DRC9: variants seen among roughly 807,000 people sequenced by gnomAD.
DRC9 encodes the protein dynein regulatory complex subunit 9.
the DRC9 span, chr3:197,891,657 A>G: frequency 7.3e-5 from 37 of 509,446 alleles, no homozygotes; most frequent in East Asian, 7.9e-4. Flanking sequence ...TGCTCAATCT[A>G]AAGATAAACC....
the DRC9 span, among the ~76,000 whole-genome samples, chr3:197,899,968 C>T: frequency 6.6e-6 from 1 of 152,136 alleles, no homozygotes; most frequent in Non-Finnish European, 1.5e-5. Flanking sequence ...TGTGGGAGGG[C>T]GGGCGCGGCA....
chr3:197,912,919 C>T, the DRC9 span: 5 of 634,136 alleles, frequency 7.9e-6, no homozygotes, highest in South Asian at 3.6e-5. Flanking sequence ...AGCCACGTGG[C>T]GCGGCACTGT....
chr3:197,949,543 T>C, the DRC9 span: 1 of 152,532 alleles, frequency 6.6e-6, no homozygotes, highest in African/African-American at 2.4e-5. Flanking sequence ...GGTCTCACTA[T>C]GTTGCCCAGG....
At chr3:197,915,379 G>C in the DRC9 span, among the ~76,000 whole-genome samples, 1 of 152,024 alleles carries the variant, frequency 6.6e-6, no homozygotes, top group Non-Finnish European at 1.5e-5. Context: ...TTGGAGGTCG[G>C]TAAGGGCACC....
the DRC9 span, chr3:197,953,749 A>G: frequency 1.1e-5 from 6 of 563,874 alleles, no homozygotes; most frequent in South Asian, 4.0e-5. Flanking sequence ...CATCTGACCT[A>G]TGTATTTTCC....
chr3:197,918,080 G>A, the DRC9 span, among the ~76,000 whole-genome samples: 2 of 141,906 alleles, frequency 1.4e-5, no homozygotes, highest in Non-Finnish European at 3.0e-5. Context: ...TTTCCAAATT[G>A]TATGGCAGTC....
chr3:197,956,864 C>G, the DRC9 span: 1 of 152,160 alleles, frequency 6.6e-6, no homozygotes, highest in African/African-American at 2.4e-5. Context: ...CTAACTGATG[C>G]AGTAACAGTC....
the DRC9 span, among the ~76,000 whole-genome samples, chr3:197,899,753 C>T: frequency 6.6e-6 from 1 of 152,080 alleles, no homozygotes; most frequent in African/African-American, 2.4e-5. Context: ...CCCCCCACCA[C>T]CCAGAAACAC....
the DRC9 span, among the ~76,000 whole-genome samples, chr3:197,905,463 C>T: frequency 6.6e-6 from 1 of 152,048 alleles, no homozygotes; most frequent in Admixed American, 6.6e-5. Flanking sequence ...AAAGGAATAA[C>T]AGGCCGGGTG....
At chr3:197,900,363 T>C in the DRC9 span, among the ~76,000 whole-genome samples, 1 of 152,210 alleles carries the variant, frequency 6.6e-6, no homozygotes, top group Non-Finnish European at 1.5e-5. This position sits in a 1 kb window ranked among gnomAD's most constrained non-coding sequence, Gnocchi z 4.7. Context: ...TTTCCCCTTC[T>C]TCTGTTTGAG....
the DRC9 span, among the ~76,000 whole-genome samples, chr3:197,948,365 C>A: frequency 3.9e-5 from 6 of 152,330 alleles, no homozygotes; most frequent in South Asian, 1.2e-3. Context: ...GGCTTCTGGG[C>A]ACTCATGCCA....
At chr3:197,951,942 G>A in the DRC9 span, among the ~76,000 whole-genome samples, 1 of 152,056 alleles carries the variant, frequency 6.6e-6, no homozygotes, top group African/African-American at 2.4e-5. Flanking sequence ...TCTATTTTGC[G>A]TCATTAAGGA....
chr3:197,944,831 T>C, the DRC9 span, among the ~76,000 whole-genome samples: 1 of 152,150 alleles, frequency 6.6e-6, no homozygotes, highest in Non-Finnish European at 1.5e-5. Context: ...TCTGCCCAAC[T>C]CAGCCTCCCA....
At chr3:197,913,434 A>C in the DRC9 span, 12 of 267,422 alleles carry the variant, frequency 4.5e-5, no homozygotes, top group Non-Finnish European at 7.2e-5. Flanking sequence ...TTTCACCGTG[A>C]CTTCTCATCC....
At chr3:197,935,355 G>A in the DRC9 span, among the ~76,000 whole-genome samples, 5 of 151,496 alleles carry the variant, frequency 3.3e-5, no homozygotes, top group African/African-American at 9.7e-5. Context: ...CAAGAGAATC[G>A]CTTGAACCCA....
the DRC9 span, among the ~76,000 whole-genome samples, chr3:197,917,358 T>A: frequency 1.3e-5 from 2 of 152,202 alleles, no homozygotes; most frequent in African/African-American, 2.4e-5. Flanking sequence ...TTCTTCAAGT[T>A]ATTTTGTCTA....
the DRC9 span, among the ~76,000 whole-genome samples, chr3:197,936,434 G>A: frequency 6.6e-6 from 1 of 151,836 alleles, no homozygotes; most frequent in Non-Finnish European, 1.5e-5. Flanking sequence ...GCACAATCAC[G>A]GCTCACTGCA....
the DRC9 span, among the ~76,000 whole-genome samples, chr3:197,897,395 C>T: frequency 6.6e-6 from 1 of 152,004 alleles, no homozygotes; most frequent in African/African-American, 2.4e-5. Flanking sequence ...AATTATGAAC[C>T]GCTATATTCT....
the DRC9 span, among the ~76,000 whole-genome samples, chr3:197,922,472 G>A: frequency 1.3e-5 from 2 of 152,062 alleles, no homozygotes; most frequent in South Asian, 2.1e-4. Flanking sequence ...TTGGGAGGCC[G>A]AGGCGGGTGG....
Sources: gnomAD v4.1 joint callset for allele counts (sites outside exome capture counted in the v4.1 genomes callset) on GRCh38, gnomAD v4.1.1 for gene constraint, Gnocchi (gnomAD v3.1) non-coding constraint, MANE v1.5 for transcripts, NCBI Gene and HGNC (gene_info 2026-07-23, HGNC 2026-07-21) for gene names.